Variants in SCN11A observed in about 807,000 individuals in gnomAD.
SCN11A encodes sodium channel protein type 11 subunit alpha.
Under a neutral mutation model 162.2 loss-of-function variants are expected in SCN11A, and 122 were observed. That is an observed-to-expected ratio of 0.75 (90% CI 0.65 to 0.87). The LOEUF (loss-of-function observed/expected upper bound fraction) is 0.87. SCN11A is among the 40% of genes least tolerant of loss of function. SCN11A has a pLI of 0.00. For missense variants in SCN11A, 2,015 were observed against 2,181.6 expected (o/e 0.92, Z 1.52); for synonymous variants, 758 against 751.5 (o/e 1.01, Z -0.14).
intron 28 of SCN11A, among the ~76,000 whole-genome samples, chr3:38,855,329 G>A (rs1293510966): frequency 6.6e-6 from 1 of 152,150 alleles, no homozygotes; most frequent in Non-Finnish European, 1.5e-5. Context: ...TCATTGGCCT[G>A]AGGACCACTT....
chr3:38,925,488 T>A lies in SCN11A; in HGVS notation c.639A>T (p.Gly213=). 6.2e-7 allele frequency: 1 copy of A among 1,613,186 alleles called. No homozygotes were observed. The highest frequency in any genetic ancestry group is 1.1e-5 in the South Asian group (1 of 91,054). Residue 213 remains glycine, a synonymous_variant, in exon 9 of 30, where the codon GGA becomes GGT. Transcript: ENST00000302328. ...GCAGGGGCAATAGTTTGATGGTGAT[T>A]CCTGGAATATATGACACAATCCTAC... ...IGIAIVSYIP[G]ITIKLLPLRT...
intron 9 of SCN11A, among the ~76,000 whole-genome samples, chr3:38,923,298 T>G (rs1242557087): frequency 1.3e-5 from 2 of 152,180 alleles, no homozygotes; most frequent in South Asian, 2.1e-4. Context: ...CTTGGTGATC[T>G]CTTTAGATCT....
At chr3:38,995,471 G>A (rs1297795428) in intron 2 of SCN11A, among the ~76,000 whole-genome samples, 1 of 152,210 alleles carries the variant, frequency 6.6e-6, no homozygotes, top group African/African-American at 2.4e-5. Context: ...GATGAAATTA[G>A]TGTTTGAATT....
intron 7 of SCN11A, among the ~76,000 whole-genome samples, chr3:38,939,081 A>C (rs1324943934): frequency 2.0e-5 from 3 of 152,012 alleles, no homozygotes; most frequent in African/African-American, 7.2e-5. Flanking sequence ...GCTGAGACAC[A>C]AGAATCTCCT....
chr3:38,883,315 C>T lies in SCN11A; in HGVS notation c.3137G>A (p.Arg1046Gln), dbSNP rs147061364. The change falls in exon 22 of 30, where the codon CGG becomes CAG. Residue 1046 changes from arginine to glutamine, a missense_variant. By Grantham distance (43) the Arg-to-Gln change is conservative. Transcript: ENST00000302328. ...TTTCACTATTTGGTAGCAGGTTTTCCGCAGGTTCCACCAAATGACCCAGGG... is the reference window on the plus strand; with the variant it reads ...TTTCACTATTTGGTAGCAGGTTTTCTGCAGGTTCCACCAAATGACCCAGGG... ...KPPWVIWWNLRKTCYQIVKHS... is the reference protein window; with the variant it reads ...KPPWVIWWNLQKTCYQIVKHS... 1.7e-5 allele frequency: 28 copies of T among 1,613,880 alleles called. No individual in the cohort carries two copies. The highest frequency in any genetic ancestry group is 6.7e-5 in the Admixed American group (4 of 59,980).
intron 23 of SCN11A, among the ~76,000 whole-genome samples, chr3:38,877,040 ATGGTGT>A (rs2065220853): frequency 2.9e-5 from 1 of 34,380 alleles, no homozygotes; most frequent in Non-Finnish European, 7.2e-5. Flanking sequence ...TGGTATATAT[ATGGTGT>A]ATATACTATA....
intron 27 of SCN11A, among the ~76,000 whole-genome samples, chr3:38,866,780 C>T (rs2065047516): frequency 6.6e-6 from 1 of 152,120 alleles, no homozygotes; most frequent in Non-Finnish European, 1.5e-5. Context: ...ATTTTAGAAT[C>T]AGCAAAATAA....
intron 26 of SCN11A, among the ~76,000 whole-genome samples, chr3:38,867,986 T>G (rs142826227): frequency 3.9e-5 from 6 of 152,306 alleles, no homozygotes; most frequent in Admixed American, 2.0e-4. Flanking sequence ...ATATGTAGAT[T>G]TTTGATACAC....
chr3:38,886,047 A>G (rs1322585755), intron 20 of SCN11A, 78 bp downstream of exon 20: 8 of 938,218 alleles, frequency 8.5e-6, no homozygotes, highest in Non-Finnish European at 8.2e-6. Flanking sequence ...TAATTGTGCC[A>G]TTTTTCCATA....
At chr3:38,857,116 T>C (rs556142800) in intron 28 of SCN11A, among the ~76,000 whole-genome samples, 13 of 152,266 alleles carry the variant, frequency 8.5e-5, no homozygotes, top group African/African-American at 3.1e-4. Flanking sequence ...CTCCAAAAGA[T>C]CATACTAGCT....
intron 3 of SCN11A, among the ~76,000 whole-genome samples, chr3:38,956,259 A>G (rs1430664647): frequency 6.6e-6 from 1 of 152,114 alleles, no homozygotes; most frequent in Non-Finnish European, 1.5e-5. Flanking sequence ...AAAAAAGCAA[A>G]AACAAACAAA....
rs2032150752 is a variant in SCN11A, at chr3:39,045,036, A to C, written c.-404+6825T>G. Among the ~76,000 whole-genome samples the C allele has an allele frequency of 3.9e-5, 6 of 152,184 alleles. 1 individual carries two copies. In the South Asian group the frequency reaches 1.2e-3, roughly 31 times the overall value. ...TATTATGAACAACTATATGCCAACA[A>C]GATGAAAAGCCTAGAGGAAATGAAT... On this transcript the variant is annotated intron_variant, in intron 1 of 29. Transcript: ENST00000302328.
At chr3:38,957,399 C>T (rs1013575886) in intron 3 of SCN11A, among the ~76,000 whole-genome samples, 3 of 152,144 alleles carry the variant, frequency 2.0e-5, no homozygotes, top group Non-Finnish European at 4.4e-5. Context: ...GGGATGAAAA[C>T]ATCTTCTGAT....
At chr3:38,900,265 C>A (rs545664242) in intron 16 of SCN11A, among the ~76,000 whole-genome samples, 192 bp from the exon 17 acceptor site, 1 of 152,278 alleles carries the variant, frequency 6.6e-6, no homozygotes, top group East Asian at 1.9e-4. Context: ...GCTCCTCTCT[C>A]CATCCCTCTC....
At chr3:38,910,710 CT>C (rs1413064519) in intron 11 of SCN11A, among the ~76,000 whole-genome samples, 2 of 152,010 alleles carry the variant, frequency 1.3e-5, no homozygotes, top group Non-Finnish European at 2.9e-5. Flanking sequence ...AGGGAGATAT[CT>C]TATTTCTTTT....
intron 28 of SCN11A, among the ~76,000 whole-genome samples, chr3:38,854,937 G>A (rs545985126): frequency 6.6e-6 from 1 of 152,346 alleles, no homozygotes; most frequent in African/African-American, 2.4e-5. Flanking sequence ...GGGCCATAGG[G>A]TGAAAGAAAC....
chr3:39,027,369 G>A (rs1238316996), intron 2 of SCN11A, among the ~76,000 whole-genome samples: 6 of 152,102 alleles, frequency 3.9e-5, no homozygotes, highest in African/African-American at 1.4e-4. Flanking sequence ...CTGGGTTTTG[G>A]GGGTCATTCA....
At chr3:39,028,423 T>C (rs557876534) in intron 2 of SCN11A, among the ~76,000 whole-genome samples, 61 of 152,364 alleles carry the variant, frequency 4.0e-4, no homozygotes, top group Non-Finnish European at 6.2e-4. Flanking sequence ...CATTTGTCAA[T>C]TGGCACATAG....
At chr3:38,929,748 G>A (rs1245344914) in intron 7 of SCN11A, among the ~76,000 whole-genome samples, 1 of 152,106 alleles carries the variant, frequency 6.6e-6, no homozygotes, top group Non-Finnish European at 1.5e-5. Context: ...CCTTTGTGAT[G>A]TATTAATGCC....
Sources: gnomAD v4.1 joint callset for allele counts (sites outside exome capture counted in the v4.1 genomes callset) on GRCh38, gnomAD v4.1.1 for gene constraint, MANE v1.5 for transcripts, NCBI Gene and HGNC (gene_info 2026-07-23, HGNC 2026-07-21) for gene names.